Variants in ERO1B observed in about 807,000 individuals in gnomAD.
ERO1B encodes the protein ERO1-like protein beta.
A neutral mutation model predicts 75.3 loss-of-function variants in ERO1B; 49 were observed. The observed-to-expected ratio is 0.65, with a 90% CI of 0.52 to 0.83. ERO1B has a LOEUF of 0.83. Ranked by LOEUF, ERO1B falls within the 40% of genes least tolerant of loss-of-function variation. ERO1B has a pLI of 0.00. For synonymous variants in ERO1B, 191 were observed against 192.9 expected, an observed-to-expected ratio of 0.99 and a Z score of 0.08; for missense variants, 512 against 560.1, an observed-to-expected ratio of 0.91 and a Z score of 0.87.
At chr1:236,256,802 C>G (rs1665170665) in intron 2 of ERO1B, among the ~76,000 whole-genome samples, 1 of 152,004 alleles carries the variant, frequency 6.6e-6, no homozygotes, top group African/African-American at 2.4e-5. Flanking sequence ...GCTGCTAAAT[C>G]ACCTAGCTCT....
intron 7 of ERO1B, among the ~76,000 whole-genome samples, 176 bp from the exon 8 acceptor site, chr1:236,236,011 G>T (rs552981514): frequency 2.3e-4 from 35 of 151,918 alleles, no homozygotes; most frequent in African/African-American, 8.0e-4. Flanking sequence ...TGTAACCTCT[G>T]CCTCCCGGGT....
At chr1:236,250,593 AT>A in intron 4 of ERO1B, among the ~76,000 whole-genome samples, 1 of 58,038 alleles carries the variant, frequency 1.7e-5, no homozygotes, top group Non-Finnish European at 3.6e-5. Flanking sequence ...ATATATATAT[AT>A]ATATATATAT....
At chr1:236,269,728 A>T (rs1207283201) in intron 2 of ERO1B, 147 bp downstream of exon 2, 3 of 599,216 alleles carry the variant, frequency 5.0e-6, no homozygotes, top group Non-Finnish European at 8.6e-6. Context: ...TAAAAAGATC[A>T]ATAGGTTTCC....
rs536530404 is a variant in ERO1B, at chr1:236,218,371, A to G, written c.*145T>C. The G allele has an allele frequency of 1.3e-5, 8 of 611,406 alleles. No individual in the cohort carries two copies. The Admixed American group carries it at 2.0e-4, about 15-fold the overall frequency. 37.9% of individuals were successfully genotyped at this position (611,406 alleles called of 1,614,324 possible). ...AGTTGATAATAATCTATTAAGAATC[A>G]TAAATATTCAAGTGAGCATTTAAAT... is the stretch of plus-strand genomic sequence containing the variant. On this transcript the variant is annotated 3_prime_UTR_variant, in exon 16 of 16. Transcript: ENST00000354619.
At chr1:236,261,209 G>A (rs1221813921) in intron 2 of ERO1B, among the ~76,000 whole-genome samples, 1 of 152,170 alleles carries the variant, frequency 6.6e-6, no homozygotes, top group Non-Finnish European at 1.5e-5. Context: ...ATACTCAGTG[G>A]TGAAAACTGA....
rs563644509 is a variant in ERO1B, at chr1:236,255,295, G to A, written c.223-1790C>T. ...TTATTGCTCCTCCAGATCTTATGAC[G>A]GCTCACTCTTTCGCCGCATTCAAGT... On this transcript the variant is annotated intron_variant, in intron 2 of 15. Coordinates refer to ENST00000354619, the MANE Select transcript of ERO1B (RefSeq NM_019891.4). Among the ~76,000 whole-genome samples, 415 of 151,930 alleles carry A rather than the reference G, an allele frequency of 2.7e-3. 2 individuals carry two copies. The highest frequency in any genetic ancestry group is 4.5e-3 in the Non-Finnish European group (309 of 67,988).
chr1:236,252,044 A>G lies in ERO1B; in HGVS notation c.348+6T>C, dbSNP rs933070083. The G allele has an allele frequency of 5.0e-6, 8 of 1,589,352 alleles. No individual in the cohort carries two copies. The highest frequency in any genetic ancestry group is 6.0e-6 in the Non-Finnish European group (7 of 1,161,700). ...CAGAAACACTCAAGGAAGAGGAGGG[A>G]CTTACCTTATTAGAATGCCCAGCTT... is the stretch of plus-strand genomic sequence containing the variant. On this transcript the variant is annotated splice_donor_region_variant and intron_variant, in intron 4 of 15. Transcript: ENST00000354619.
rs551532569 is a variant in ERO1B at position 236,215,132 on chromosome 1, A to G, written c.*3384T>C. On this transcript the variant is annotated 3_prime_UTR_variant, in exon 16 of 16. Transcript: ENST00000354619. The stretch of plus-strand genomic sequence containing the variant: ...TTATAAGCTTTATGATTCAATACAA[A>G]TCAAACAATGCTTTTAATTGTTCCC... Among the ~76,000 whole-genome samples, 1 of 152,354 alleles carries G rather than the reference A, an allele frequency of 6.6e-6. No individual in the cohort carries two copies. Among genetic ancestry groups the G allele is most frequent in the African/African-American group, 2.4e-5 (1 of 41,590 alleles).
At chr1:236,258,323 A>C (rs1314331130) in intron 2 of ERO1B, among the ~76,000 whole-genome samples, 1 of 152,162 alleles carries the variant, frequency 6.6e-6, no homozygotes, top group Non-Finnish European at 1.5e-5. Flanking sequence ...GGGAACTTCC[A>C]GTAAATTATA....
At chr1:236,222,631 C>T (rs944451894) in intron 13 of ERO1B, among the ~76,000 whole-genome samples, 1 of 152,170 alleles carries the variant, frequency 6.6e-6, no homozygotes, top group African/African-American at 2.4e-5. Context: ...TTAATTGCTG[C>T]TTCCATTTGT....
chr1:236,234,298 T>C (rs1664485330), intron 8 of ERO1B, among the ~76,000 whole-genome samples: 1 of 152,242 alleles, frequency 6.6e-6, no homozygotes, highest in Non-Finnish European at 1.5e-5. Flanking sequence ...GTCTCTGATA[T>C]ATCACTAACA....
intron 1 of ERO1B, among the ~76,000 whole-genome samples, chr1:236,276,612 C>T (rs999503163): frequency 1.3e-5 from 2 of 152,138 alleles, no homozygotes; most frequent in Admixed American, 6.5e-5. Context: ...AGGAGGACAT[C>T]GGCGACCTTG....
chr1:236,252,080 C>T lies in ERO1B; in HGVS notation c.318G>A (p.Pro106=), dbSNP rs369785458. ...HVEPCPESKI[P]VGIKAGHSNK... ...TAGAATGCCCAGCTTTTATTCCAAC[C>T]GGAATTTTACTCTTAAAAAAACAAG... The change falls in exon 4 of 16, where the codon CCG becomes CCA. Residue 106 remains proline (P), a synonymous_variant. Transcript: ENST00000354619. 52 of 1,597,942 alleles carry T rather than the reference C, an allele frequency of 3.3e-5. No individual in the cohort carries two copies. Among genetic ancestry groups the T allele is most frequent in the Admixed American group, 1.5e-4 (9 of 58,402 alleles).
At chr1:236,281,418 A>T (rs534710603) in intron 1 of ERO1B, 1 of 339,312 alleles carries the variant, frequency 2.9e-6, no homozygotes, top group African/African-American at 2.1e-5. Flanking sequence ...GAAAAAACGA[A>T]AACAGCTCAG....
At chr1:236,261,519 C>T (rs537288369) in intron 2 of ERO1B, among the ~76,000 whole-genome samples, 5 of 152,000 alleles carry the variant, frequency 3.3e-5, no homozygotes, top group South Asian at 2.1e-4. Flanking sequence ...ATGAACAATC[C>T]CCCCCAAAAT....
intron 14 of ERO1B, 136 bp from the exon 15 acceptor site, chr1:236,221,101 C>T: frequency 1.6e-6 from 1 of 634,536 alleles, no homozygotes; most frequent in Non-Finnish European, 2.4e-6. Flanking sequence ...AATATTACTA[C>T]AGTTTCTACT....
chr1:236,233,583 G>C (rs1664468273), intron 8 of ERO1B, among the ~76,000 whole-genome samples: 1 of 150,830 alleles, frequency 6.6e-6, no homozygotes, highest in South Asian at 2.1e-4. Context: ...GAGTGACAGA[G>C]TGCGACTCTG....
intron 1 of ERO1B, among the ~76,000 whole-genome samples, chr1:236,274,963 A>G (rs1216096913): frequency 6.6e-6 from 1 of 152,214 alleles, no homozygotes; most frequent in African/African-American, 2.4e-5. Flanking sequence ...AAGGAGCAAG[A>G]CATGCAGGTA....
intron 2 of ERO1B, among the ~76,000 whole-genome samples, chr1:236,258,163 A>AAAAAAAT (rs1572059154): frequency 1.2e-5 from 1 of 86,290 alleles, no homozygotes; most frequent in East Asian, 5.0e-4. Context: ...AAAAAAAAAA[A>AAAAAAAT]CCCAGCCAGA....
Sources: gnomAD v4.1 joint callset for allele counts (sites outside exome capture counted in the v4.1 genomes callset) on GRCh38, gnomAD v4.1.1 for gene constraint, MANE v1.5 for transcripts, NCBI Gene and HGNC (gene_info 2026-07-23, HGNC 2026-07-21) for gene names.